Variants in CLIC4 observed in about 807,000 individuals in gnomAD.
CLIC4 encodes chloride intracellular channel protein 4.
In CLIC4, 13 loss-of-function variants were observed where a neutral mutation model predicts 24.6. That is an observed-to-expected ratio of 0.53 (90% CI 0.34 to 0.84). CLIC4 has a LOEUF of 0.84. Among genes scored for constraint, CLIC4 ranks in the 40% least tolerant of loss-of-function variants. The pLI is 0.01. For synonymous variants in CLIC4, 104 were observed against 111.3 expected, an observed-to-expected ratio of 0.93 and a Z score of 0.41; for missense variants, 227 against 301.7, an observed-to-expected ratio of 0.75 and a Z score of 1.83.
chr1:24,829,514 G>A (rs527605979), intron 4 of CLIC4, among the ~76,000 whole-genome samples: 3 of 152,284 alleles, frequency 2.0e-5, no homozygotes, highest in African/African-American at 7.2e-5. Flanking sequence ...GATGTATTAA[G>A]TATGACCTGT....
At chr1:24,773,668 C>T (rs181526556) in intron 1 of CLIC4, among the ~76,000 whole-genome samples, 1 of 142,988 alleles carries the variant, frequency 7.0e-6, no homozygotes, top group East Asian at 2.1e-4. Flanking sequence ...AAGATCATAG[C>T]TCACTACATC....
chr1:24,747,222 A>T lies in CLIC4; in HGVS notation c.72+1597A>T, dbSNP rs997525098. 7.3e-5 allele frequency among the ~76,000 whole-genome samples: 11 copies of T among 150,516 alleles called. No homozygotes were observed. The Admixed American group carries it at 7.3e-4, about 10-fold the overall frequency. ...TAGTACTTTGAGATGCGTAGAATGT[A>T]GGAAGGAACCTGAAATACAAGAAAG... On this transcript the variant is annotated intron_variant, in intron 1 of 5. Coordinates refer to ENST00000374379, the MANE Select transcript of CLIC4 (RefSeq NM_013943.3).
In CLIC4 at chr1:24,764,617, G is replaced by A. The variant is rs147999945; in HGVS notation, c.72+18992G>A. Among the ~76,000 whole-genome samples, 368 of 151,522 alleles carry A rather than the reference G, an allele frequency of 2.4e-3. 2 individuals carry two copies. The highest frequency in any genetic ancestry group is 8.3e-3 in the African/African-American group (343 of 41,288). ...TGCAGTGAGCCAAGATAGTGCTACTGTACTCCACCCTGGGCGACAGAGCAA... is the reference window on the plus strand; with the variant it reads ...TGCAGTGAGCCAAGATAGTGCTACTATACTCCACCCTGGGCGACAGAGCAA... On this transcript the variant is annotated intron_variant, in intron 1 of 5. Coordinates refer to ENST00000374379, the MANE Select transcript of CLIC4 (RefSeq NM_013943.3).
chr1:24,785,356 A>G (rs976380604), intron 1 of CLIC4, among the ~76,000 whole-genome samples: 6 of 152,320 alleles, frequency 3.9e-5, no homozygotes, highest in Middle Eastern at 3.4e-3. Context: ...CCACAATAAC[A>G]TGGTACATAG....
rs184437183 is a variant in CLIC4, at chr1:24,841,227, C to G, written c.*290C>G. The G allele has an allele frequency of 4.1e-3, 887 of 217,538 alleles. 3 individuals carry two copies. Among genetic ancestry groups the G allele is most frequent in the Non-Finnish European group, 6.0e-3 (664 of 110,580 alleles). 13.5% of individuals were successfully genotyped at this position (217,538 alleles called of 1,614,324 possible). Reference sequence around the variant, plus strand: ...ACTTTAGAGGTAGCTTGCCATCTCTCAGGAGCCCTCACCATTGTGTCCATT... The same window carrying G: ...ACTTTAGAGGTAGCTTGCCATCTCTGAGGAGCCCTCACCATTGTGTCCATT... On this transcript the variant is annotated 3_prime_UTR_variant, in exon 6 of 6. Transcript: ENST00000374379.
chr1:24,780,107 C>T (rs1489091889), intron 1 of CLIC4, among the ~76,000 whole-genome samples: 61 of 152,138 alleles, frequency 4.0e-4, no homozygotes. Flanking sequence ...TTTTATTGAG[C>T]ACTTAACCAC....
chr1:24,779,952 T>G (rs1480901898), intron 1 of CLIC4, among the ~76,000 whole-genome samples: 1 of 152,190 alleles, frequency 6.6e-6, no homozygotes, highest in Non-Finnish European at 1.5e-5. Flanking sequence ...TTGTCTTAAA[T>G]GGAAATCAGA....
intron 4 of CLIC4, among the ~76,000 whole-genome samples, chr1:24,837,673 G>A (rs1354706495): frequency 6.6e-6 from 1 of 152,116 alleles, no homozygotes; most frequent in African/African-American, 2.4e-5. Flanking sequence ...ATAACAAAAG[G>A]TAGTACAACC....
chr1:24,746,512 A>C (rs1242198395), intron 1 of CLIC4, among the ~76,000 whole-genome samples: 1 of 152,280 alleles, frequency 6.6e-6, no homozygotes, highest in Non-Finnish European at 1.5e-5. Flanking sequence ...CAAAGGAGAG[A>C]GTCGAAGTTA....
chr1:24,801,892 C>T (rs1639493949), intron 2 of CLIC4, among the ~76,000 whole-genome samples: 1 of 152,054 alleles, frequency 6.6e-6, no homozygotes, highest in South Asian at 2.1e-4. Context: ...ACTACAAGCT[C>T]TTGGGAAGAC....
At chr1:24,765,343 AT>A (rs1178241832) in intron 1 of CLIC4, among the ~76,000 whole-genome samples, 1 of 152,118 alleles carries the variant, frequency 6.6e-6, no homozygotes, top group Non-Finnish European at 1.5e-5. Context: ...AGAAGCTTTT[AT>A]TTTTTTCCGT....
At chr1:24,808,935 C>A (rs761639889) in intron 2 of CLIC4, among the ~76,000 whole-genome samples, 1 of 152,104 alleles carries the variant, frequency 6.6e-6, no homozygotes, top group East Asian at 1.9e-4. Flanking sequence ...GCCTCGGCCT[C>A]CCAAAGTGTT....
At chr1:24,824,146 T>C (rs1270926801) in intron 3 of CLIC4, among the ~76,000 whole-genome samples, 1 of 152,224 alleles carries the variant, frequency 6.6e-6, no homozygotes, top group Non-Finnish European at 1.5e-5. Context: ...TGCAAAAAAG[T>C]TGATTTTGAA....
intron 2 of CLIC4, among the ~76,000 whole-genome samples, chr1:24,801,971 T>G (rs1639494785): frequency 1.4e-5 from 2 of 145,158 alleles, no homozygotes; most frequent in South Asian, 4.3e-4. Context: ...TCTATTACTG[T>G]TTTTTTTTTA....
At chr1:24,837,203 G>GA (rs1275122924) in intron 4 of CLIC4, among the ~76,000 whole-genome samples, 1 of 151,976 alleles carries the variant, frequency 6.6e-6, no homozygotes, top group Non-Finnish European at 1.5e-5. Context: ...AAAAGTGAGA[G>GA]AAGACAGCAA....
chr1:24,819,751 CT>C (rs1458974522), intron 3 of CLIC4, among the ~76,000 whole-genome samples: 38 of 124,948 alleles, frequency 3.0e-4, no homozygotes, highest in South Asian at 2.6e-4. Context: ...AACTTTTTTT[CT>C]TTTTTTTTTG....
At chr1:24,766,142 G>A (rs1638992457) in intron 1 of CLIC4, among the ~76,000 whole-genome samples, 1 of 151,862 alleles carries the variant, frequency 6.6e-6, no homozygotes, top group Admixed American at 6.6e-5. Context: ...GAGTAGTTGG[G>A]ACTATAGACG....
chr1:24,807,170 G>C (rs1462341621), intron 2 of CLIC4, among the ~76,000 whole-genome samples: 1 of 151,484 alleles, frequency 6.6e-6, no homozygotes. Flanking sequence ...AAAAAATTAA[G>C]AATCTTTCTG....
chr1:24,799,422 G>A (rs1639447634), intron 2 of CLIC4, among the ~76,000 whole-genome samples: 1 of 148,486 alleles, frequency 6.7e-6, no homozygotes, highest in African/African-American at 2.5e-5. Context: ...CAACCACCCC[G>A]TCTGAGAAGT....
Sources: gnomAD v4.1 joint callset for allele counts (sites outside exome capture counted in the v4.1 genomes callset) on GRCh38, gnomAD v4.1.1 for gene constraint, MANE v1.5 for transcripts, NCBI Gene and HGNC (gene_info 2026-07-23, HGNC 2026-07-21) for gene names.